The following KIAA2012 variants were observed in gnomAD, a reference collection of about 807,000 sequenced individuals.
The protein encoded by KIAA2012 is uncharacterized protein KIAA2012.
Under a neutral mutation model 150.6 loss-of-function variants are expected in KIAA2012, and 125 were observed. The ratio of observed to expected loss-of-function variants is 0.83; its 90% CI spans 0.72 to 0.96. The LOEUF (loss-of-function observed/expected upper bound fraction) is 0.96. KIAA2012 is among the 40% of genes least tolerant of loss of function. KIAA2012 has a pLI of 0.00. For missense variants in KIAA2012, 1,219 were observed against 1,354.9 expected, an observed-to-expected ratio of 0.90 and a Z score of 1.57; for synonymous variants, 462 against 504.7, an observed-to-expected ratio of 0.92 and a Z score of 1.13.
intron 11 of KIAA2012, among the ~76,000 whole-genome samples, chr2:202,122,033 G>A (rs1690665411): frequency 6.6e-6 from 1 of 152,200 alleles, no homozygotes; most frequent in South Asian, 2.1e-4. Context: ...GGAACGTAGA[G>A]AACACGTGGA....
At chr2:202,171,918 C>T (rs917649664) in intron 15 of KIAA2012, among the ~76,000 whole-genome samples, 6 of 134,540 alleles carry the variant, frequency 4.5e-5, no homozygotes, top group African/African-American at 1.7e-4. Context: ...GGCGTGATGG[C>T]TCACTGCAAC....
intron 13 of KIAA2012, among the ~76,000 whole-genome samples, chr2:202,142,361 G>A (rs527816238): frequency 1.1e-4 from 17 of 151,990 alleles, no homozygotes; most frequent in Non-Finnish European, 2.4e-4. Context: ...TCTGACTTCC[G>A]GGAATTTATC....
intron 3 of KIAA2012, 35 bp downstream of exon 3, chr2:202,090,964 ACTGCCCCACC>A (rs1438428123): frequency 5.3e-6 from 8 of 1,517,550 alleles, no homozygotes; most frequent in African/African-American, 1.4e-5. Context: ...CACACCCCAA[ACTGCCCCACC>A]TCCCATTCTG....
chr2:202,194,484 ATAAAC>A (rs1296605530), intron 21 of KIAA2012, 122 bp downstream of exon 21: 5 of 1,040,534 alleles, frequency 4.8e-6, no homozygotes, highest in Non-Finnish European at 6.7e-6. Context: ...TCTAAATAAT[ATAAAC>A]TATTTTTCAA....
chr2:202,119,821 C>G (rs1002863487), intron 11 of KIAA2012, among the ~76,000 whole-genome samples: 1 of 152,192 alleles, frequency 6.6e-6, no homozygotes, highest in Non-Finnish European at 1.5e-5. Context: ...TGAGTGATAT[C>G]TTTTGGCTGT....
Position 202,200,722 on chromosome 2 carries a change from T to TTTTTTTG in KIAA2012, c.3408-1707_3408-1706insTTTTTTG, listed in dbSNP as rs1692502557. Reference sequence around the variant, plus strand: ...AATTTTGGAACTTTTTTTTTTTTTTTGGTGACGGAGTTTCGCTCTTGTTGC... The same window carrying TTTTTTTG: ...AATTTTGGAACTTTTTTTTTTTTTTTTTTTTTGGGTGACGGAGTTTCGCTCTTGTTGC... On this transcript the variant is annotated intron_variant, in intron 22 of 23. Coordinates refer to ENST00000498697, the MANE Select transcript of KIAA2012 (RefSeq NM_001277372.4). Among the ~76,000 whole-genome samples, 5 of 151,012 alleles carry TTTTTTTG rather than the reference T, an allele frequency of 3.3e-5. No homozygotes were observed. The South Asian group carries it at 1.0e-3, about 32-fold the overall frequency.
chr2:202,181,206 G>A (rs1319830852), intron 15 of KIAA2012, among the ~76,000 whole-genome samples: 2 of 152,154 alleles, frequency 1.3e-5, no homozygotes, highest in Non-Finnish European at 2.9e-5. Context: ...CTGTGCTCAA[G>A]CGATCTGCCT....
At position 202,201,782 on chromosome 2, in the gene KIAA2012, A is replaced by G. The variant is rs1574321160; in HGVS notation, c.3408-647A>G. Reference sequence around the variant, plus strand: ...CTGAGTAGGCAGTCGGAGCATCAGTATAGGGTAGAGCCTGAGAAAGATGCA... The same window carrying G: ...CTGAGTAGGCAGTCGGAGCATCAGTGTAGGGTAGAGCCTGAGAAAGATGCA... On this transcript the variant is annotated intron_variant, in intron 22 of 23. Transcript: ENST00000498697. 1.5e-5 allele frequency: 19 copies of G among 1,305,678 alleles called. No individual in the cohort carries two copies. The East Asian group carries it at 2.3e-4, about 16-fold the overall frequency. The allele number at this position is 1,305,678 out of a possible 1,614,324, so 80.9% of individuals were successfully genotyped here. A position where few individuals can be genotyped will look rare whatever the true frequency, so the allele number is the denominator to read the frequency against.
intron 13 of KIAA2012, among the ~76,000 whole-genome samples, chr2:202,147,366 G>T (rs1233236705): frequency 6.6e-6 from 1 of 152,200 alleles, no homozygotes; most frequent in Non-Finnish European, 1.5e-5. Flanking sequence ...TAGGGGCAGA[G>T]GGGAGGCAGG....
intron 12 of KIAA2012, among the ~76,000 whole-genome samples, chr2:202,132,300 C>A (rs1415554042): frequency 6.6e-6 from 1 of 152,160 alleles, no homozygotes; most frequent in Non-Finnish European, 1.5e-5. Flanking sequence ...TATGTAGAGA[C>A]TGGATTGGAA....
At chr2:202,086,167 C>CAAAAAAAAAAAAA (rs56207993) in intron 2 of KIAA2012, among the ~76,000 whole-genome samples, 1 of 90,118 alleles carries the variant, frequency 1.1e-5, no homozygotes, top group African/African-American at 4.4e-5. Context: ...AACTCTGTCT[C>CAAAAAAAAAAAAA]AAAAAAAAAA....
intron 12 of KIAA2012, 131 bp downstream of exon 12, chr2:202,125,413 T>G (rs1056531744): frequency 9.8e-6 from 7 of 716,464 alleles, no homozygotes; most frequent in Non-Finnish European, 1.6e-5. Context: ...CAGAGAGGAT[T>G]TGCTTCTTGG....
chr2:202,183,664 A>C (rs1412665758), intron 15 of KIAA2012, among the ~76,000 whole-genome samples: 1 of 151,636 alleles, frequency 6.6e-6, no homozygotes. Flanking sequence ...CCACCACCAC[A>C]CCCAGCTAAT....
intron 2 of KIAA2012, among the ~76,000 whole-genome samples, chr2:202,080,620 CA>C (rs1689428122): frequency 6.6e-6 from 1 of 150,694 alleles, no homozygotes; most frequent in Admixed American, 6.6e-5. Flanking sequence ...TGCTTGAACC[CA>C]GGAGGCAAAG....
chr2:202,088,605 G>A (rs1050734346), intron 2 of KIAA2012, among the ~76,000 whole-genome samples: 1 of 152,110 alleles, frequency 6.6e-6, no homozygotes, highest in East Asian at 1.9e-4. Flanking sequence ...GAGTGAGAGC[G>A]TGCACCCTCT....
intron 8 of KIAA2012, 75 bp downstream of exon 8, chr2:202,103,189 C>T (rs1355395391): frequency 2.8e-6 from 4 of 1,409,478 alleles, no homozygotes; most frequent in Non-Finnish European, 3.8e-6. Flanking sequence ...CATGCTCCTA[C>T]ATCATGGCTG....
rs774074680 is a variant in KIAA2012 at position 202,097,553 on chromosome 2, G to T, written c.804G>T (p.Trp268Cys). Residue 268 changes from tryptophan to cysteine, a missense_variant, in exon 5 of 24, where the codon TGG becomes TGT. Trp to Cys is a radical substitution (Grantham distance 215). Coordinates refer to ENST00000498697, the MANE Select transcript of KIAA2012 (RefSeq NM_001277372.4). Reference sequence around the variant, plus strand: ...TGCCACCACGCAGGAAGCAGCCCTGGCAGGAAGATGAAACGCAGGCAGAGG... The same window carrying T: ...TGCCACCACGCAGGAAGCAGCCCTGTCAGGAAGATGAAACGCAGGCAGAGG... Reference protein sequence around the residue: ...TRLPPRRKQPWQEDETQAEDT... With the variant: ...TRLPPRRKQPCQEDETQAEDT... 1 of 1,550,118 alleles carries T rather than the reference G, an allele frequency of 6.5e-7. No homozygotes were observed. The highest frequency in any genetic ancestry group is 1.2e-5 in the South Asian group (1 of 84,018).
intron 5 of KIAA2012, 83 bp from the exon 6 acceptor site, chr2:202,099,530 C>A: frequency 8.7e-7 from 1 of 1,149,582 alleles, no homozygotes. Flanking sequence ...AACCATAAGC[C>A]TAGCCACAAG....
chr2:202,098,766 A>G (rs1286627089), intron 5 of KIAA2012, among the ~76,000 whole-genome samples: 1 of 150,702 alleles, frequency 6.6e-6, no homozygotes, highest in Non-Finnish European at 1.5e-5. Flanking sequence ...TACAATGTAG[A>G]AACACTTTCT....
Sources: allele counts gnomAD v4.1 joint callset (sites outside exome capture counted in the v4.1 genomes callset), GRCh38; gene constraint gnomAD v4.1.1; transcripts MANE v1.5; gene names NCBI Gene and HGNC (gene_info 2026-07-23, HGNC 2026-07-21).